The following WDR27 variants were observed in gnomAD, a reference collection of about 807,000 sequenced individuals.
The protein encoded by WDR27 is WD repeat-containing protein 27.
Under a neutral mutation model 114.4 loss-of-function variants are expected in WDR27, and 100 were observed. The observed-to-expected ratio is 0.87, with a 90% CI of 0.74 to 1.03. The LOEUF (loss-of-function observed/expected upper bound fraction) is 1.03, where lower values mean the gene tolerates loss of function less well. Among genes scored for constraint, WDR27 ranks in the 50% least tolerant of loss-of-function variants. The probability of loss-of-function intolerance (pLI) is 0.00; values close to 1 mark genes in which losing one functional copy is unlikely to be tolerated. For synonymous variants in WDR27, 449 were observed against 423.1 expected (o/e 1.06, Z -0.75); for missense variants, 1,129 against 1,092.9 (o/e 1.03, Z -0.47).
intron 24 of WDR27, among the ~76,000 whole-genome samples, chr6:169,581,531 T>C (rs1430582515): frequency 6.6e-6 from 1 of 152,230 alleles, no homozygotes; most frequent in East Asian, 1.9e-4. Flanking sequence ...AGTCTCATCA[T>C]GGAAAGAGTG....
intron 25 of WDR27, among the ~76,000 whole-genome samples, chr6:169,473,014 A>C (rs542535323): frequency 6.0e-4 from 91 of 152,346 alleles, no homozygotes; most frequent in African/African-American, 1.8e-3. Flanking sequence ...AACATTAATA[A>C]CTTGCCTAGG....
chr6:169,566,199 G>T (rs1156707271), intron 25 of WDR27, among the ~76,000 whole-genome samples: 5 of 152,150 alleles, frequency 3.3e-5, no homozygotes, highest in Admixed American at 3.3e-4. Flanking sequence ...AAAACATTTT[G>T]TAGCGTAAAC....
chr6:169,603,289 G>A (rs1808420050), intron 22 of WDR27, among the ~76,000 whole-genome samples: 1 of 147,148 alleles, frequency 6.8e-6, no homozygotes, highest in African/African-American at 2.7e-5. Flanking sequence ...GAACTGTAGT[G>A]TACTACTGAG....
At chr6:169,656,472 A>T (rs1248537196) in intron 13 of WDR27, among the ~76,000 whole-genome samples, 4 of 151,960 alleles carry the variant, frequency 2.6e-5, no homozygotes, top group Admixed American at 1.3e-4. Flanking sequence ...GATGAATGGT[A>T]GGAGGTGAGA....
intron 25 of WDR27, among the ~76,000 whole-genome samples, chr6:169,544,673 G>A (rs1370406759): frequency 1.3e-5 from 2 of 152,128 alleles, no homozygotes; most frequent in East Asian, 3.9e-4. Context: ...GGCCTCAAGT[G>A]AGCCACCTGC....
intron 17 of WDR27, among the ~76,000 whole-genome samples, chr6:169,640,938 G>A (rs1818995257): frequency 6.6e-6 from 1 of 152,224 alleles, no homozygotes; most frequent in African/African-American, 2.4e-5. Context: ...ACACAGGAGG[G>A]AGGGTCAAGT....
rs570618755 is a variant in WDR27, at chr6:169,649,247, T to A, written c.1510A>T (p.Ile504Phe). 3.2e-6 allele frequency: 5 copies of A among 1,577,072 alleles called. No homozygotes were observed. The South Asian group carries it at 4.7e-5, about 15-fold the overall frequency. ...HVTMFSPKTNIKSEGKGSSRS... is the reference protein window; with the variant it reads ...HVTMFSPKTNFKSEGKGSSRS... Reference sequence around the variant, plus strand: ...GAAGATCCTTTCCCCTCACTCTTGATGTTGGTCTTTGGTGAAAACATAGTT... The same window carrying A: ...GAAGATCCTTTCCCCTCACTCTTGAAGTTGGTCTTTGGTGAAAACATAGTT... The change falls in exon 15 of 26, where the codon ATC becomes TTC. Residue 504 changes from isoleucine to phenylalanine, a missense_variant. Physicochemically the swap from Ile to Phe is conservative, Grantham distance 21. Transcript: ENST00000448612.
intron 16 of WDR27, among the ~76,000 whole-genome samples, chr6:169,646,349 G>A (rs1820745021): frequency 6.6e-6 from 1 of 152,196 alleles, no homozygotes; most frequent in South Asian, 2.1e-4. Flanking sequence ...GGATGCCAAT[G>A]GCCCCTGAAA....
the WDR27 span, among the ~76,000 whole-genome samples, chr6:169,430,848 GTTTC>G: frequency 1.3e-5 from 2 of 152,196 alleles, no homozygotes; most frequent in Non-Finnish European, 2.9e-5. Context: ...GTTGACTGGA[GTTTC>G]TTTAACCATG....
chr6:169,616,382 G>A (rs1260270588), intron 21 of WDR27, among the ~76,000 whole-genome samples: 2 of 152,262 alleles, frequency 1.3e-5, no homozygotes, highest in East Asian at 3.9e-4. Flanking sequence ...CAGCTACTCA[G>A]GAGGCTGAGG....
chr6:169,686,266 T>C (rs1414408481), intron 2 of WDR27, among the ~76,000 whole-genome samples: 3 of 152,032 alleles, frequency 2.0e-5, no homozygotes. Flanking sequence ...AAGTCCCTTG[T>C]AGACCCAATA....
At chr6:169,555,475 A>G (rs1798743258) in intron 25 of WDR27, among the ~76,000 whole-genome samples, 1 of 152,214 alleles carries the variant, frequency 6.6e-6, no homozygotes, top group East Asian at 1.9e-4. Flanking sequence ...ACTCAATCCT[A>G]CAGGCAGTGA....
intron 23 of WDR27, among the ~76,000 whole-genome samples, chr6:169,600,502 G>A (rs556866350): frequency 8.5e-5 from 13 of 152,218 alleles, no homozygotes; most frequent in African/African-American, 2.9e-4. Context: ...GGCTTCGGAC[G>A]ATCAAACTAC....
chr6:169,604,566 CAAG>C (rs1379295087), intron 22 of WDR27, among the ~76,000 whole-genome samples: 3 of 152,040 alleles, frequency 2.0e-5, no homozygotes, highest in Non-Finnish European at 4.4e-5. Flanking sequence ...TCCAAAATGT[CAAG>C]AAGAAGGGAA....
intron 23 of WDR27, among the ~76,000 whole-genome samples, chr6:169,584,043 C>T (rs1804084157): frequency 6.6e-6 from 1 of 152,190 alleles, no homozygotes; most frequent in South Asian, 2.1e-4. Flanking sequence ...TGTTTCGTAT[C>T]CTTTGACCCA....
chr6:169,697,183 C>T (rs1450327255), intron 1 of WDR27, among the ~76,000 whole-genome samples: 2 of 152,116 alleles, frequency 1.3e-5, no homozygotes, highest in Non-Finnish European at 2.9e-5. Context: ...TAATAATACT[C>T]GCTCTATAAT....
At chr6:169,696,388 A>T (rs1203952974) in intron 1 of WDR27, among the ~76,000 whole-genome samples, 1 of 152,238 alleles carries the variant, frequency 6.6e-6, no homozygotes, top group Non-Finnish European at 1.5e-5. Flanking sequence ...ACACACATGC[A>T]TGCACACACA....
intron 21 of WDR27, among the ~76,000 whole-genome samples, chr6:169,625,966 G>A (rs555541223): frequency 6.6e-6 from 1 of 152,306 alleles, no homozygotes; most frequent in Admixed American, 6.5e-5. Context: ...GGCTTCATGT[G>A]GGCGCCAAGC....
chr6:169,465,933 G>C (rs1338268578), intron 25 of WDR27, among the ~76,000 whole-genome samples: 1 of 152,214 alleles, frequency 6.6e-6, no homozygotes, highest in African/African-American at 2.4e-5. Context: ...GAATTGTGGA[G>C]AGGGATAGTG....
Sources: allele counts gnomAD v4.1 joint callset (sites outside exome capture counted in the v4.1 genomes callset), GRCh38; gene constraint gnomAD v4.1.1; transcripts MANE v1.5; gene names NCBI Gene and HGNC (gene_info 2026-07-23, HGNC 2026-07-21).